TLN2: variants seen among roughly 807,000 people sequenced by gnomAD.
The protein encoded by TLN2 is talin 2, also known as talin-2.
A neutral mutation model predicts 294.7 loss-of-function variants in TLN2; 118 were observed. That is an observed-to-expected ratio of 0.40 (90% CI 0.34 to 0.47). The LOEUF (loss-of-function observed/expected upper bound fraction) is 0.47, where lower values mean the gene tolerates loss of function less well. TLN2 is among the 20% of genes least tolerant of loss of function. TLN2 has a pLI of 0.84. For missense variants in TLN2, 3,083 were observed against 3,282.2 expected (o/e 0.94, Z 1.48); for synonymous variants, 1,431 against 1,304.5 (o/e 1.10, Z -2.09).
intron 1 of TLN2, among the ~76,000 whole-genome samples, chr15:62,515,817 C>T (rs1211356208): frequency 6.6e-6 from 1 of 152,150 alleles, no homozygotes; most frequent in Non-Finnish European, 1.5e-5. Flanking sequence ...ATAAATAAAT[C>T]CAGCAGAACA....
At chr15:62,731,167 C>T (rs1331335298) in intron 28 of TLN2, among the ~76,000 whole-genome samples, 3 of 152,076 alleles carry the variant, frequency 2.0e-5, no homozygotes. Flanking sequence ...TGTGTCTCTG[C>T]TGGAATTCTG....
At chr15:62,807,841 C>G (rs2066401152) in intron 51 of TLN2, among the ~76,000 whole-genome samples, 1 of 152,190 alleles carries the variant, frequency 6.6e-6, no homozygotes. Flanking sequence ...CTGCTGAGCC[C>G]TGATGCTCCT....
chr15:62,632,388 G>C, intron 3 of TLN2, among the ~76,000 whole-genome samples: 1 of 152,108 alleles, frequency 6.6e-6, no homozygotes, highest in Non-Finnish European at 1.5e-5. Context: ...CTTCATCCTC[G>C]AATCACTTAG....
At chr15:62,818,722 A>C (rs888864342) in intron 52 of TLN2, among the ~76,000 whole-genome samples, 1 of 152,106 alleles carries the variant, frequency 6.6e-6, no homozygotes, top group Non-Finnish European at 1.5e-5. Context: ...TTGCTCACTT[A>C]GGGATTTTGT....
chr15:62,673,732 A>G, intron 9 of TLN2, 95 bp from the exon 10 acceptor site: 1 of 893,684 alleles, frequency 1.1e-6, no homozygotes, highest in East Asian at 2.4e-5. Flanking sequence ...TGGGAGACTT[A>G]GTGAGTTAAC....
chr15:62,592,646 G>T (rs2046171446), intron 2 of TLN2, among the ~76,000 whole-genome samples: 1 of 128,728 alleles, frequency 7.8e-6, no homozygotes, highest in Admixed American at 7.8e-5. Flanking sequence ...ATGTGGACCA[G>T]TCCAAAGTCT....
intron 11 of TLN2, among the ~76,000 whole-genome samples, chr15:62,683,428 C>T (rs1251534495): frequency 6.7e-6 from 1 of 149,866 alleles, no homozygotes; most frequent in African/African-American, 2.5e-5. Context: ...AGAATGCCTG[C>T]ATTCTCCCGC....
In TLN2 at chr15:62,686,343, G is replaced by A. The variant is rs111392139; in HGVS notation, c.958-298G>A. 2.0e-5 allele frequency among the ~76,000 whole-genome samples: 3 copies of A among 152,244 alleles called. 1 individual carries two copies. The highest frequency in any genetic ancestry group is 7.2e-5 in the African/African-American group (3 of 41,544). On this transcript the variant is annotated intron_variant, in intron 11 of 58. Transcript: ENST00000636159. ...AATTCACCTTTGCTTGTTTTTCTCT[G>A]GATGTCTTTTCAGTTCTATCCCATC...
intron 1 of TLN2, among the ~76,000 whole-genome samples, chr15:62,401,015 C>T (rs1346964936): frequency 1.3e-5 from 2 of 151,954 alleles, no homozygotes; most frequent in African/African-American, 4.8e-5. Context: ...AGGGTTTCAC[C>T]GTGTTGCCCA....
intron 50 of TLN2, among the ~76,000 whole-genome samples, chr15:62,803,967 T>C (rs1377122368): frequency 6.6e-6 from 1 of 152,202 alleles, no homozygotes; most frequent in East Asian, 1.9e-4. Flanking sequence ...GACTTGGATG[T>C]TATGATCTAA....
chr15:62,468,463 C>T (rs962018800), intron 1 of TLN2, among the ~76,000 whole-genome samples: 4 of 152,096 alleles, frequency 2.6e-5, no homozygotes, highest in South Asian at 4.2e-4. Context: ...AAGGAGTTGT[C>T]GGCTGGGTGT....
At chr15:62,433,987 C>T (rs2035158607) in intron 1 of TLN2, among the ~76,000 whole-genome samples, 2 of 151,382 alleles carry the variant, frequency 1.3e-5, no homozygotes, top group East Asian at 1.9e-4. Context: ...AGATTCTGTC[C>T]CCCCGCCCCC....
At chr15:62,799,017 A>G (rs1392422696) in intron 48 of TLN2, among the ~76,000 whole-genome samples, 2 of 152,204 alleles carry the variant, frequency 1.3e-5, no homozygotes, top group African/African-American at 4.8e-5. Context: ...ACGCCACTGC[A>G]CTCTTAATAC....
At chr15:62,773,918 C>T (rs562146086) in intron 42 of TLN2, among the ~76,000 whole-genome samples, 2 of 152,202 alleles carry the variant, frequency 1.3e-5, no homozygotes, top group African/African-American at 4.8e-5. Flanking sequence ...TAATGAATTA[C>T]CTGCTTACCG....
At chr15:62,433,106 CTT>C (rs774597566) in intron 1 of TLN2, among the ~76,000 whole-genome samples, 6 of 152,044 alleles carry the variant, frequency 3.9e-5, no homozygotes, top group South Asian at 4.2e-4. Context: ...AACTGGGTGT[CTT>C]TATTTGGTGA....
intron 9 of TLN2, among the ~76,000 whole-genome samples, chr15:62,665,420 A>G (rs1317824000): frequency 6.6e-6 from 1 of 152,192 alleles, no homozygotes; most frequent in East Asian, 1.9e-4. Flanking sequence ...TATATTCACC[A>G]AAGTTGGATA....
chr15:62,805,327 G>A (rs982384368), intron 50 of TLN2, among the ~76,000 whole-genome samples: 2 of 152,098 alleles, frequency 1.3e-5, no homozygotes, highest in African/African-American at 4.8e-5. Flanking sequence ...TTGGGTGTCA[G>A]TTTCTGCAGA....
At chr15:62,432,244 C>T (rs977593771) in intron 1 of TLN2, among the ~76,000 whole-genome samples, 7 of 152,100 alleles carry the variant, frequency 4.6e-5, no homozygotes, top group Non-Finnish European at 8.8e-5. Flanking sequence ...GACAAAATGA[C>T]CATTTTAGTC....
At chr15:62,500,487 A>G (rs1305784428) in intron 1 of TLN2, among the ~76,000 whole-genome samples, 1 of 152,246 alleles carries the variant, frequency 6.6e-6, no homozygotes, top group Non-Finnish European at 1.5e-5. Context: ...CTGCAAAACA[A>G]GAAGACACCT....
Sources: gnomAD v4.1 joint callset for allele counts (sites outside exome capture counted in the v4.1 genomes callset) on GRCh38, gnomAD v4.1.1 for gene constraint, MANE v1.5 for transcripts, NCBI Gene and HGNC (gene_info 2026-07-23, HGNC 2026-07-21) for gene names.